Variants in FBN2 observed in about 807,000 individuals in gnomAD.
The protein encoded by FBN2 is fibrillin-2.
FBN2 carries 105 observed loss-of-function variants against 355.6 expected under a neutral mutation model. The ratio of observed to expected loss-of-function variants is 0.30; its 90% CI spans 0.25 to 0.35. FBN2 has a LOEUF of 0.35. FBN2 is among the 10% of genes least tolerant of loss of function. FBN2 has a pLI of 1.00. For synonymous variants in FBN2, 1,350 were observed against 1,301.2 expected (o/e 1.04, Z -0.81); for missense variants, 3,280 against 3,758.7 (o/e 0.87, Z 3.33).
At chr5:128,521,052 T>G (rs2112790139) in intron 4 of FBN2, among the ~76,000 whole-genome samples, 1 of 152,270 alleles carries the variant, frequency 6.6e-6, no homozygotes, top group East Asian at 1.9e-4. Context: ...GATTTGAAGA[T>G]TCCTACATGT....
Position 128,499,450 on chromosome 5 carries a change from C to T in FBN2, c.628+19823G>A, listed in dbSNP as rs577866547. Among the ~76,000 whole-genome samples, 22 of 152,194 alleles carry T rather than the reference C, an allele frequency of 1.4e-4. 1 individual carries two copies. In the South Asian group the frequency reaches 4.4e-3, roughly 30 times the overall value. ...GGCTTTAAAAAATGCTAATGTTTGGCCATGGGTCCTATGGCTCCAGAGATT... is the reference window on the plus strand; with the variant it reads ...GGCTTTAAAAAATGCTAATGTTTGGTCATGGGTCCTATGGCTCCAGAGATT... On this transcript the variant is annotated intron_variant, in intron 5 of 64. Transcript: ENST00000262464.
intron 21 of FBN2, among the ~76,000 whole-genome samples, chr5:128,350,604 G>A (rs896906342): frequency 2.0e-5 from 3 of 152,118 alleles, no homozygotes; most frequent in Non-Finnish European, 4.4e-5. Context: ...CGCAAACAAG[G>A]ATACCAGAGG....
intron 11 of FBN2, among the ~76,000 whole-genome samples, chr5:128,391,289 A>G (rs1204465029): frequency 6.6e-6 from 1 of 152,174 alleles, no homozygotes; most frequent in East Asian, 1.9e-4. Flanking sequence ...CCTCAACAAA[A>G]CAGAACAAAA....
intron 6 of FBN2, among the ~76,000 whole-genome samples, chr5:128,459,189 C>T (rs968687492): frequency 6.6e-6 from 1 of 152,058 alleles, no homozygotes; most frequent in Non-Finnish European, 1.5e-5. Context: ...CATAAATAAA[C>T]TAGAAATCTA....
At chr5:128,407,425 T>A (rs188467824) in intron 8 of FBN2, among the ~76,000 whole-genome samples, 2 of 152,300 alleles carry the variant, frequency 1.3e-5, no homozygotes, top group Admixed American at 1.3e-4. Flanking sequence ...GGACACTTAT[T>A]AGAAGAAACT....
intron 10 of FBN2, among the ~76,000 whole-genome samples, chr5:128,392,448 C>T (rs1752540970): frequency 6.6e-6 from 1 of 152,156 alleles, no homozygotes; most frequent in African/African-American, 2.4e-5. Context: ...TCCTTTGTAA[C>T]TCTGCTGAAT....
chr5:128,278,687 G>C lies in FBN2; in HGVS notation c.7293C>G (p.Ala2431=). The part of the protein sequence containing the change: ...QCELCPLPGT[A]QYKKICPHGP... The stretch of plus-strand genomic sequence containing the variant: ...CATGAGGACATATCTTTTTGTACTG[G>C]GCAGTTCCAGGAAGTGGGCAAAGCT... The change falls in exon 57 of 65, where the codon GCC becomes GCG. Residue 2431 remains alanine, a synonymous_variant. Coordinates refer to ENST00000262464, the MANE Select transcript of FBN2 (RefSeq NM_001999.4). The C allele has an allele frequency of 1.2e-6, 2 of 1,613,976 alleles. No individual in the cohort carries two copies. The highest frequency in any genetic ancestry group is 2.2e-5 in the South Asian group (2 of 91,070).
At chr5:128,505,597 C>T (rs1233126091) in intron 5 of FBN2, among the ~76,000 whole-genome samples, 2 of 152,144 alleles carry the variant, frequency 1.3e-5, no homozygotes, top group Non-Finnish European at 2.9e-5. Context: ...CAAGTTACCA[C>T]CTGTTCCTGT....
chr5:128,357,946 G>GCTTAGTTTT (rs1751546399), intron 19 of FBN2, among the ~76,000 whole-genome samples: 1 of 151,756 alleles, frequency 6.6e-6, no homozygotes, highest in African/African-American at 2.4e-5. Flanking sequence ...TGTTTAGTTT[G>GCTTAGTTTT]CTTAGTTTTT....
intron 11 of FBN2, among the ~76,000 whole-genome samples, chr5:128,391,336 A>G (rs1752504281): frequency 6.6e-6 from 1 of 152,188 alleles, no homozygotes; most frequent in South Asian, 2.1e-4. Flanking sequence ...ATAGAGAAGC[A>G]GCTATGAGAA....
intron 39 of FBN2, 61 bp downstream of exon 39, chr5:128,311,239 G>C: frequency 6.3e-7 from 1 of 1,589,298 alleles, no homozygotes; most frequent in Non-Finnish European, 8.6e-7. Flanking sequence ...TTTCCCTCAG[G>C]CCTCAGCAGC....
chr5:128,491,171 T>C (rs1040066501), intron 5 of FBN2, among the ~76,000 whole-genome samples: 6 of 152,218 alleles, frequency 3.9e-5, no homozygotes, highest in Non-Finnish European at 5.9e-5. Flanking sequence ...GACTTCTTTT[T>C]CAAGTTACAA....
intron 25 of FBN2, among the ~76,000 whole-genome samples, chr5:128,339,762 C>A (rs1053388490): frequency 6.6e-6 from 1 of 152,118 alleles, no homozygotes; most frequent in Non-Finnish European, 1.5e-5. Flanking sequence ...CCCCAGGTCG[C>A]AGCATGTGAA....
At position 128,364,696 on chromosome 5, in the gene FBN2, T is replaced by C. The variant is rs748090444; in HGVS notation, c.2332A>G (p.Ile778Val). The C allele has an allele frequency of 4.3e-6, 7 of 1,613,008 alleles. No homozygotes were observed. In the South Asian group the frequency reaches 7.7e-5, roughly 18 times the overall value. ...DINECALDPD[I>V]CANGICENLR... ...TTTTCACAAATCCCATTGGCACATA[T>C]ATCAGGATCCAAAGCACATTCATTG... The change falls in exon 18 of 65, where the codon ATA becomes GTA. Residue 778 changes from isoleucine to valine, a missense_variant. Ile to Val is a conservative substitution (Grantham distance 29). This residue lies in a region of FBN2 where 2,284 missense variants were observed against 2,749.5 expected (regional missense o/e 0.83). Transcript: ENST00000262464.
intron 34 of FBN2, chr5:128,328,389 T>C (rs1750608733): frequency 1.7e-6 from 1 of 589,242 alleles, no homozygotes; most frequent in African/African-American, 1.9e-5. Flanking sequence ...AAAAGCTGAA[T>C]AGTTTCTCCA....
At chr5:128,418,724 G>A (rs997283758) in intron 7 of FBN2, among the ~76,000 whole-genome samples, 5 of 152,104 alleles carry the variant, frequency 3.3e-5, no homozygotes, top group Non-Finnish European at 7.4e-5. Flanking sequence ...GATCTGAGAA[G>A]ATATGTGGTA....
chr5:128,286,677 T>C (rs1561748584), intron 55 of FBN2, 41 bp downstream of exon 55: 18 of 1,612,288 alleles, frequency 1.1e-5, no homozygotes, highest in Non-Finnish European at 1.4e-5. Context: ...AGGCTGGGAG[T>C]GGAGGCATTA....
In FBN2 at chr5:128,333,162, C is replaced by T. The variant is rs1750738597; in HGVS notation, c.4100-128G>A. ...CCGTATGGAGAAAAGAGTAGCCTAA[C>T]TAACTTTTATTTTTAATTTTTGTAG... On this transcript the variant is annotated intron_variant, in intron 31 of 64. Coordinates refer to ENST00000262464, the MANE Select transcript of FBN2 (RefSeq NM_001999.4). 6.2e-6 allele frequency: 5 copies of T among 808,884 alleles called. No individual in the cohort carries two copies. The Admixed American group carries it at 1.2e-4, about 19-fold the overall frequency. The allele number at this position is 808,884 out of a possible 1,614,324, so 50.1% of individuals were successfully genotyped here.
At chr5:128,514,529 C>T (rs1756227203) in intron 5 of FBN2, among the ~76,000 whole-genome samples, 1 of 151,936 alleles carries the variant, frequency 6.6e-6, no homozygotes, top group African/African-American at 2.4e-5. Flanking sequence ...AGTACTTAGC[C>T]TAATACTGTA....
Sources: allele counts gnomAD v4.1 joint callset (sites outside exome capture counted in the v4.1 genomes callset), GRCh38; gene constraint gnomAD v4.1.1; regional missense constraint gnomAD v4.1.1; transcripts MANE v1.5; gene names NCBI Gene and HGNC (gene_info 2026-07-23, HGNC 2026-07-21).